The following FBLN7 variants were observed in gnomAD, a reference collection of about 807,000 sequenced individuals.
FBLN7 encodes fibulin 7, also known as fibulin-7.
Under a neutral mutation model 44.0 loss-of-function variants are expected in FBLN7, and 31 were observed. That is an observed-to-expected ratio of 0.70 (90% CI 0.53 to 0.95). FBLN7 has a LOEUF of 0.95. Among genes scored for constraint, FBLN7 ranks in the 40% least tolerant of loss-of-function variants. The pLI, the probability that FBLN7 is intolerant of heterozygous loss-of-function variation, is 0.00. For missense variants in FBLN7, 573 were observed against 618.5 expected (o/e 0.93, Z 0.78); for synonymous variants, 262 against 253.4 (o/e 1.03, Z -0.32).
chr2:112,243,344 AAG>A, the FBLN7 span, among the ~76,000 whole-genome samples: 1 of 152,260 alleles, frequency 6.6e-6, no homozygotes, highest in Non-Finnish European at 1.5e-5. Context: ...AGACAAATCT[AAG>A]AGAAGAATCG....
chr2:112,204,150 T>G, the FBLN7 span, among the ~76,000 whole-genome samples: 1 of 151,174 alleles, frequency 6.6e-6, no homozygotes, highest in East Asian at 1.9e-4. Flanking sequence ...ATAGAAATAT[T>G]AAGTTGAAAA....
rs1680463622 is a variant in FBLN7, at chr2:112,138,600, C to A, written c.-56C>A. The A allele has an allele frequency of 6.2e-7, 1 of 1,607,010 alleles. No individual in the cohort carries two copies. Among genetic ancestry groups the A allele is most frequent in the Admixed American group, 1.7e-5 (1 of 59,810 alleles). The stretch of plus-strand genomic sequence containing the variant: ...GGCTGCCGCATCGCTGGGACAAACT[C>A]GGCAGCGGAGGCAAAGTTATTTCCC... On this transcript the variant is annotated 5_prime_UTR_variant, in exon 1 of 8. Transcript: ENST00000331203.
chr2:112,199,111 AT>A, the FBLN7 span, among the ~76,000 whole-genome samples: 1 of 152,204 alleles, frequency 6.6e-6, no homozygotes, highest in Non-Finnish European at 1.5e-5. Context: ...AAAAATTATA[AT>A]CAAGATCAAA....
At chr2:112,209,854 G>A in the FBLN7 span, among the ~76,000 whole-genome samples, 2 of 151,038 alleles carry the variant, frequency 1.3e-5, no homozygotes, top group South Asian at 2.1e-4. Flanking sequence ...GCCAAAAGAG[G>A]GTGAAATTGA....
chr2:112,187,733 T>G lies in FBLN7; in HGVS notation c.*227T>G. ...TTTTTTTTTTTCTGCTTTGAGGCCCTTCCCTTAGATTATGCACTAACTTTC... is the reference window on the plus strand; with the variant it reads ...TTTTTTTTTTTCTGCTTTGAGGCCCGTCCCTTAGATTATGCACTAACTTTC... On this transcript the variant is annotated 3_prime_UTR_variant, in exon 8 of 8. Transcript: ENST00000331203. The surrounding 1 kb of genome is among the most constrained non-coding windows in gnomAD (Gnocchi z 5.1). 1 of 578,844 alleles carries G rather than the reference T, an allele frequency of 1.7e-6. No individual in the cohort carries two copies. The highest frequency in any genetic ancestry group is 3.0e-6 in the Non-Finnish European group (1 of 334,456). The allele number at this position is 578,844 out of a possible 1,614,324, so 35.9% of individuals were successfully genotyped here.
intron 2 of FBLN7, among the ~76,000 whole-genome samples, chr2:112,162,240 G>C (rs934558175): frequency 6.6e-6 from 1 of 151,832 alleles, no homozygotes; most frequent in Non-Finnish European, 1.5e-5. Flanking sequence ...GAACTCCCAG[G>C]CTCAAGCGAT....
At chr2:112,242,182 T>C in the FBLN7 span, among the ~76,000 whole-genome samples, 1 of 152,226 alleles carries the variant, frequency 6.6e-6, no homozygotes, top group South Asian at 2.1e-4. Flanking sequence ...GTCAGTGAAC[T>C]ACAACCCAAG....
At position 112,187,707 on chromosome 2, in the gene FBLN7, C is replaced by CTT. The variant is rs3215304; in HGVS notation, c.*211_*212dup. 1.5e-4 allele frequency: 72 copies of CTT among 490,692 alleles called. No individual in the cohort carries two copies. Among genetic ancestry groups the CTT allele is most frequent in the South Asian group, 3.8e-4 (13 of 34,260 alleles). The allele number at this position is 490,692 out of a possible 1,614,324, so 30.4% of individuals were successfully genotyped here. ...ACAAAACTCAACTGCTGCCATCACT[C>CTT]TTTTTTTTTTTCTGCTTTGAGGCCC... On this transcript the variant is annotated 3_prime_UTR_variant, in exon 8 of 8. Coordinates refer to ENST00000331203, the MANE Select transcript of FBLN7 (RefSeq NM_153214.3). The surrounding 1 kb of genome is among the most constrained non-coding windows in gnomAD (Gnocchi z 5.1).
chr2:112,217,062 A>C, the FBLN7 span, among the ~76,000 whole-genome samples: 8 of 152,280 alleles, frequency 5.3e-5, no homozygotes, highest in African/African-American at 1.9e-4. Flanking sequence ...ACAAACCTAA[A>C]AATTATTCAG....
At chr2:112,175,541 G>A (rs1473607555) in intron 3 of FBLN7, among the ~76,000 whole-genome samples, 173 bp from the exon 4 acceptor site, 1 of 152,190 alleles carries the variant, frequency 6.6e-6, no homozygotes. Flanking sequence ...CAGCCCCATC[G>A]GCCCCCTGGC....
the FBLN7 span, among the ~76,000 whole-genome samples, chr2:112,238,892 T>G: frequency 3.3e-5 from 5 of 152,234 alleles, no homozygotes; most frequent in Non-Finnish European, 7.3e-5. Flanking sequence ...CACATTACAT[T>G]TCTGCCTTTG....
Position 112,184,671 on chromosome 2 carries a change from ATGC to A in FBLN7, c.809-527_809-525del, listed in dbSNP as rs139369585. 7.4e-3 allele frequency among the ~76,000 whole-genome samples: 317 copies of A among 42,866 alleles called. 8 individuals are homozygous for A. Among genetic ancestry groups the A allele is most frequent in the East Asian group, 0.01 (20 of 1,932 alleles). 28.1% of individuals were successfully genotyped at this position (42,866 alleles called of 152,430 possible). On this transcript the variant is annotated intron_variant, in intron 6 of 7. Transcript: ENST00000331203. Reference sequence around the variant, plus strand: ...GTATATATAGGTATATGGTATATATATGCTGTATATGGTGTATATATGGTATAT... The same window carrying A: ...GTATATATAGGTATATGGTATATATATGTATATGGTGTATATATGGTATAT...
chr2:112,174,911 T>A (rs766798727), intron 3 of FBLN7, among the ~76,000 whole-genome samples: 8 of 152,072 alleles, frequency 5.3e-5, no homozygotes, highest in Non-Finnish European at 1.2e-4. Flanking sequence ...AATCATTTTT[T>A]TTCTAATTAA....
downstream of FBLN7, chr2:112,189,692 A>G (rs942823380): frequency 6.6e-6 from 1 of 152,248 alleles, no homozygotes; most frequent in Non-Finnish European, 1.5e-5. Flanking sequence ...AAAGAATAGT[A>G]TAATGAACCC....
chr2:112,220,762 G>A, the FBLN7 span, among the ~76,000 whole-genome samples: 1 of 152,304 alleles, frequency 6.6e-6, no homozygotes, highest in Non-Finnish European at 1.5e-5. Flanking sequence ...CAGAGGTTGT[G>A]GTGAGCTGAG....
In FBLN7 at chr2:112,187,915, C is replaced by T. The variant is rs536485663; in HGVS notation, c.*409C>T. On this transcript the variant is annotated 3_prime_UTR_variant, in exon 8 of 8. Transcript: ENST00000331203. This position sits in a 1 kb window ranked among gnomAD's most constrained non-coding sequence, Gnocchi z 5.1. ...GTAGCCAGGCTTGCTATGAATGAAA[C>T]GGTTCTAGTCGTGCGGGGGGCCCTA... 2.1e-4 allele frequency: 54 copies of T among 256,006 alleles called. No homozygotes were observed. Among genetic ancestry groups the T allele is most frequent in the South Asian group, 1.2e-3 (13 of 10,526 alleles). 15.9% of individuals were successfully genotyped at this position (256,006 alleles called of 1,614,324 possible).
chr2:112,161,770 C>G (rs1681883655), intron 2 of FBLN7, among the ~76,000 whole-genome samples: 1 of 152,248 alleles, frequency 6.6e-6, no homozygotes, highest in Non-Finnish European at 1.5e-5. Flanking sequence ...GCTTTCATCT[C>G]TGAAATGTAC....
At chr2:112,149,737 AT>A (rs1477108095) in intron 1 of FBLN7, among the ~76,000 whole-genome samples, 3 of 152,182 alleles carry the variant, frequency 2.0e-5, no homozygotes, top group Admixed American at 6.5e-5. Context: ...CACGACACAC[AT>A]TTTTGTTAAA....
the FBLN7 span, chr2:112,233,521 C>A: frequency 0.13 from 77,296 of 612,534 alleles, 5,743 homozygotes; most frequent in Non-Finnish European, 0.15. Flanking sequence ...TAAATTATAA[C>A]CACATCACAT....
Sources: allele counts gnomAD v4.1 joint callset (sites outside exome capture counted in the v4.1 genomes callset), GRCh38; gene constraint gnomAD v4.1.1; non-coding constraint Gnocchi (gnomAD v3.1); transcripts MANE v1.5; gene names NCBI Gene and HGNC (gene_info 2026-07-23, HGNC 2026-07-21).